Variants in MCTP2 observed in about 807,000 individuals in gnomAD.
MCTP2 encodes multiple C2 and transmembrane domain containing 2, also known as multiple C2 and transmembrane domain-containing protein 2.
MCTP2 carries 132 observed loss-of-function variants against 111.6 expected under a neutral mutation model. That is an observed-to-expected ratio of 1.18 (90% CI 1.03 to 1.37). MCTP2 has a LOEUF of 1.37. Ranked by LOEUF, MCTP2 falls within the 40% of genes most tolerant of loss-of-function variation. The pLI is 0.00. For missense variants in MCTP2, 1,183 were observed against 1,067.9 expected (o/e 1.11, Z -1.50); for synonymous variants, 395 against 387.7 (o/e 1.02, Z -0.22).
At chr15:94,274,324 G>GA (rs572562266) in intron 1 of MCTP2, among the ~76,000 whole-genome samples, 22 of 152,214 alleles carry the variant, frequency 1.4e-4, no homozygotes, top group African/African-American at 5.1e-4. Flanking sequence ...GGTATGGTCT[G>GA]AAAATCAATA....
intron 1 of MCTP2, among the ~76,000 whole-genome samples, chr15:94,246,948 TCTTTGATAGTAACTC>T (rs2072057395): frequency 6.6e-6 from 1 of 152,190 alleles, no homozygotes; most frequent in Non-Finnish European, 1.5e-5. Flanking sequence ...CTGACTGCCA[TCTTTGATAGTAACTC>T]CTTTGAGTAT....
intron 1 of MCTP2, among the ~76,000 whole-genome samples, chr15:94,263,692 G>T (rs1431369867): frequency 6.6e-6 from 1 of 152,170 alleles, no homozygotes; most frequent in Non-Finnish European, 1.5e-5. Context: ...ATAGACCACG[G>T]AAAGAAGAGT....
intron 2 of MCTP2, among the ~76,000 whole-genome samples, chr15:94,312,574 C>T (rs1398223651): frequency 6.6e-6 from 1 of 152,234 alleles, no homozygotes; most frequent in East Asian, 1.9e-4. Flanking sequence ...TCTGAAATCA[C>T]TCTTGATCCT....
chr15:94,360,116 G>A (rs550905015), intron 10 of MCTP2, among the ~76,000 whole-genome samples: 2 of 152,172 alleles, frequency 1.3e-5, no homozygotes, highest in East Asian at 1.9e-4. Flanking sequence ...ACCCCTAGGG[G>A]ACCAGCACTG....
chr15:94,318,272 ATTTTTTT>A (rs199556945), intron 4 of MCTP2, among the ~76,000 whole-genome samples: 9 of 143,130 alleles, frequency 6.3e-5, no homozygotes, highest in African/African-American at 1.3e-4. Flanking sequence ...CAAAAAAAAA[ATTTTTTT>A]TTTTTTTTTT....
At chr15:94,459,031 TTTTTTCTG>T (rs1406541687) in intron 20 of MCTP2, among the ~76,000 whole-genome samples, 1 of 246 alleles carries the variant, frequency 4.1e-3, no homozygotes, top group Non-Finnish European at 8.3e-3. Flanking sequence ...ATTCATAGGT[TTTTTTCTG>T]TTTTGTTTTA....
chr15:94,351,457 A>G (rs972274357), intron 8 of MCTP2, among the ~76,000 whole-genome samples: 4 of 152,242 alleles, frequency 2.6e-5, no homozygotes, highest in Admixed American at 2.6e-4. Flanking sequence ...AGTGGTCAAC[A>G]TAGTTGGAAT....
intron 8 of MCTP2, among the ~76,000 whole-genome samples, chr15:94,352,411 AT>A (rs2078354116): frequency 6.6e-6 from 1 of 152,104 alleles, no homozygotes; most frequent in Non-Finnish European, 1.5e-5. Context: ...ATGGGTGGGG[AT>A]TTGGTGAGGT....
chr15:94,396,162 A>G lies in MCTP2; in HGVS notation c.1789-2799A>G, dbSNP rs145126044. Among the ~76,000 whole-genome samples the G allele has an allele frequency of 7.2e-3, 1,103 of 152,300 alleles. 22 individuals are homozygous for G. The highest frequency in any genetic ancestry group is 0.025 in the African/African-American group (1,054 of 41,558). ...GACATCATTATTTTATCCAAGACTC[A>G]TATTTGAGTGAAGTGAAGTCCTCCC... On this transcript the variant is annotated intron_variant, in intron 14 of 22. Coordinates refer to ENST00000357742, the MANE Select transcript of MCTP2 (RefSeq NM_001385001.1).
intron 1 of MCTP2, among the ~76,000 whole-genome samples, chr15:94,243,883 G>A (rs1194838170): frequency 1.4e-5 from 2 of 142,552 alleles, no homozygotes; most frequent in African/African-American, 2.6e-5. Context: ...ATATATTTAT[G>A]TACACATATA....
At chr15:94,392,090 G>A (rs2081011203) in intron 14 of MCTP2, among the ~76,000 whole-genome samples, 1 of 152,188 alleles carries the variant, frequency 6.6e-6, no homozygotes, top group South Asian at 2.1e-4. Context: ...GTTATTATAA[G>A]GCCAGGCGCG....
At chr15:94,386,400 T>C (rs1322071169) in intron 14 of MCTP2, among the ~76,000 whole-genome samples, 1 of 152,254 alleles carries the variant, frequency 6.6e-6, no homozygotes, top group African/African-American at 2.4e-5. Flanking sequence ...AATTTAACCA[T>C]GAGATTAGCC....
Position 94,245,348 on chromosome 15 carries a change from A to G in MCTP2, c.-66+13684A>G, listed in dbSNP as rs1173807818. 5.2e-5 allele frequency among the ~76,000 whole-genome samples: 7 copies of G among 133,630 alleles called. No individual in the cohort carries two copies. The Admixed American group carries it at 5.7e-4, about 11-fold the overall frequency. 87.7% of individuals were successfully genotyped at this position (133,630 alleles called of 152,430 possible). Reference sequence around the variant, plus strand: ...TACATACATATGTGTAGATATTTACATACATATGTATATATATTTACATAC... The same window carrying G: ...TACATACATATGTGTAGATATTTACGTACATATGTATATATATTTACATAC... On this transcript the variant is annotated intron_variant, in intron 1 of 22. Transcript: ENST00000357742.
chr15:94,328,317 A>G (rs1191119536), intron 4 of MCTP2, among the ~76,000 whole-genome samples: 4 of 151,536 alleles, frequency 2.6e-5, no homozygotes, highest in East Asian at 3.9e-4. Context: ...TTTAGTAGAG[A>G]CGGGGTTTCA....
intron 4 of MCTP2, among the ~76,000 whole-genome samples, chr15:94,325,864 G>A (rs2076846540): frequency 7.5e-6 from 1 of 133,662 alleles, no homozygotes; most frequent in Non-Finnish European, 1.5e-5. Context: ...TCTGTTGCCA[G>A]GCTGGAGTAC....
chr15:94,437,420 C>T (rs1162127573), intron 17 of MCTP2, among the ~76,000 whole-genome samples: 1 of 151,688 alleles, frequency 6.6e-6, no homozygotes, highest in African/African-American at 2.4e-5. Context: ...TGTTCCGTTG[C>T]TATTTATAAT....
intron 17 of MCTP2, among the ~76,000 whole-genome samples, chr15:94,421,094 ATT>A (rs776113477): frequency 2.8e-4 from 40 of 143,048 alleles, no homozygotes; most frequent in African/African-American, 4.8e-4. Flanking sequence ...GGATGATAGT[ATT>A]TTTTTTTTTT....
chr15:94,252,526 A>G (rs1163822727), intron 1 of MCTP2, among the ~76,000 whole-genome samples: 2 of 152,174 alleles, frequency 1.3e-5, no homozygotes, highest in Non-Finnish European at 2.9e-5. Context: ...TCTGTTTGAC[A>G]ACAGTTAATT....
At chr15:94,428,929 C>CA (rs961359612) in intron 17 of MCTP2, among the ~76,000 whole-genome samples, 134 of 150,782 alleles carry the variant, frequency 8.9e-4, no homozygotes, top group African/African-American at 3.0e-3. Flanking sequence ...AGCATGGCTC[C>CA]AAAAAAAAAT....
Sources: gnomAD v4.1 joint callset for allele counts (sites outside exome capture counted in the v4.1 genomes callset) on GRCh38, gnomAD v4.1.1 for gene constraint, MANE v1.5 for transcripts, NCBI Gene and HGNC (gene_info 2026-07-23, HGNC 2026-07-21) for gene names.